Variants in NUP62 observed in about 807,000 individuals in gnomAD.
The protein encoded by NUP62 is nuclear pore glycoprotein p62.
For synonymous variants in NUP62, 305 were observed against 303.4 expected (o/e 1.01, Z -0.05); for missense variants, 647 against 689.4 (o/e 0.94, Z 0.69).
intron 1 of NUP62, chr19:49,928,333 C>T (rs2075959866): frequency 1.3e-5 from 2 of 152,152 alleles, no homozygotes; most frequent in South Asian, 2.1e-4. Flanking sequence ...CTGGCTAACA[C>T]AGTGAAACCC....
intron 2 of NUP62, among the ~76,000 whole-genome samples, chr19:49,912,188 A>G (rs1293493292): frequency 3.9e-4 from 17 of 43,406 alleles, no homozygotes; most frequent in Admixed American, 3.1e-3. Flanking sequence ...TTTTTTTTTG[A>G]GACGGGAGTC....
intron 2 of NUP62, among the ~76,000 whole-genome samples, chr19:49,924,023 C>T (rs2075825214): frequency 2.0e-5 from 3 of 152,252 alleles, no homozygotes; most frequent in Admixed American, 2.0e-4. Context: ...TGAGGAGTTG[C>T]GGCAATAGCA....
intron 2 of NUP62, chr19:49,911,413 C>T (rs1389841529): frequency 6.6e-6 from 1 of 152,208 alleles, no homozygotes; most frequent in African/African-American, 2.4e-5. Flanking sequence ...ACTGAGAAGC[C>T]AAGTGCCTGA....
intron 1 of NUP62, chr19:49,928,604 T>A (rs1169085033): frequency 7.9e-5 from 12 of 152,148 alleles, no homozygotes; most frequent in African/African-American, 2.4e-4. Context: ...TTGAGTCTCA[T>A]AAACCCACCA....
chr19:49,908,496 C>G lies in NUP62; in HGVS notation c.1312G>C (p.Glu438Gln). Residue 438 changes from glutamate to glutamine, a missense_variant, in exon 3 of 3, where the codon GAG becomes CAG. Glu to Gln is a conservative substitution (Grantham distance 29). Coordinates refer to ENST00000352066, the MANE Select transcript of NUP62 (RefSeq NM_016553.5). The part of the protein sequence containing the change: ...EEREKTYKLA[E>Q]NIDAQLKRMA... ...CGCTTGAGCTGTGCATCGATGTTCT[C>G]AGCCAGCTTGTAGGTTTTCTCACGC... 2 of 1,614,152 alleles carry G rather than the reference C, an allele frequency of 1.2e-6. No individual in the cohort carries two copies. Among genetic ancestry groups the G allele is most frequent in the Non-Finnish European group, 1.7e-6 (2 of 1,180,038 alleles).
At position 49,921,025 on chromosome 19, in the gene NUP62, G is replaced by T. The variant is rs2075754232; in HGVS notation, c.-78+6669C>A. Among the ~76,000 whole-genome samples, 1 of 152,146 alleles carries T rather than the reference G, an allele frequency of 6.6e-6. No homozygotes were observed. Among genetic ancestry groups the T allele is most frequent in the Non-Finnish European group, 1.5e-5 (1 of 68,020 alleles). ...AAGGCAGCCAGAAGATGGGGGCAGG[G>T]TGGCTTTCATTATGAGAACTGGAAG... On this transcript the variant is annotated intron_variant, in intron 2 of 2. Coordinates refer to ENST00000352066, the MANE Select transcript of NUP62 (RefSeq NM_016553.5). The surrounding 1 kb of genome is among the most constrained non-coding windows in gnomAD (Gnocchi z 5.4).
intron 2 of NUP62, among the ~76,000 whole-genome samples, chr19:49,919,791 C>T (rs1012940951): frequency 5.0e-5 from 5 of 100,954 alleles, no homozygotes; most frequent in East Asian, 3.5e-4. Context: ...CTAGAACCAC[C>T]GCTTGCTCTT....
At chr19:49,923,535 CAG>C (rs1487636855) in intron 2 of NUP62, among the ~76,000 whole-genome samples, 4 of 152,304 alleles carry the variant, frequency 2.6e-5, no homozygotes, top group East Asian at 3.9e-4. Flanking sequence ...GTGGCGAGAA[CAG>C]AGAGAATCAC....
chr19:49,907,765 A>G lies in NUP62; in HGVS notation c.*474T>C. The G allele has an allele frequency of 3.0e-6, 1 of 332,460 alleles. No homozygotes were observed. Among genetic ancestry groups the G allele is most frequent in the South Asian group, 2.3e-5 (1 of 42,602 alleles). 20.6% of individuals were successfully genotyped at this position (332,460 alleles called of 1,614,324 possible). ...TGGCCAGGCTGGTCTCGAACTCCTG[A>G]CCTCAAGTCATCTGCCCGCCTTGGC... On this transcript the variant is annotated 3_prime_UTR_variant, in exon 3 of 3. Coordinates refer to ENST00000352066, the MANE Select transcript of NUP62 (RefSeq NM_016553.5).
chr19:49,920,361 G>GT (rs1473831834), intron 2 of NUP62, among the ~76,000 whole-genome samples: 3 of 152,180 alleles, frequency 2.0e-5, no homozygotes, highest in African/African-American at 7.2e-5. Context: ...GATTACAGGC[G>GT]TGAGCCACCA....
At position 49,921,583 on chromosome 19, in the gene NUP62, GGAA is replaced by G. The variant is rs2075766386; in HGVS notation, c.-78+6108_-78+6110del. 6.6e-6 allele frequency among the ~76,000 whole-genome samples: 1 copy of G among 152,228 alleles called. No individual in the cohort carries two copies. The highest frequency in any genetic ancestry group is 2.4e-5 in the African/African-American group (1 of 41,454). On this transcript the variant is annotated intron_variant, in intron 2 of 2. Transcript: ENST00000352066. The surrounding 1 kb of genome is among the most constrained non-coding windows in gnomAD (Gnocchi z 5.4). ...TACGTTCCTGCTCTGTGGTAGGTCAGGAAGAAGAGGGCAAAGGAGTCTGCATCA... is the reference window on the plus strand; with the variant it reads ...TACGTTCCTGCTCTGTGGTAGGTCAGGAAGAGGGCAAAGGAGTCTGCATCA...
At chr19:49,926,610 G>A (rs999115865) in intron 2 of NUP62, among the ~76,000 whole-genome samples, 11 of 152,200 alleles carry the variant, frequency 7.2e-5, no homozygotes, top group African/African-American at 2.2e-4. Context: ...TTCTACCGGC[G>A]GGGCGGGGGA....
At chr19:49,924,054 T>C (rs1230513164) in intron 2 of NUP62, among the ~76,000 whole-genome samples, 1 of 151,966 alleles carries the variant, frequency 6.6e-6, no homozygotes, top group African/African-American at 2.4e-5. Context: ...ACGGTGCAGG[T>C]GCAGGCAGGA....
In NUP62 at chr19:49,914,498, C is replaced by A. The variant is rs566662170; in HGVS notation, c.-77-4614G>T. 9.2e-5 allele frequency among the ~76,000 whole-genome samples: 14 copies of A among 152,288 alleles called. No homozygotes were observed. In the South Asian group the frequency reaches 2.7e-3, roughly 29 times the overall value. ...AGCCGCCAGTCCCTTCCCTTCCTGC[C>A]TGCCTGCCCCAACATTTACCCTTGA... On this transcript the variant is annotated intron_variant, in intron 2 of 2. Transcript: ENST00000352066.
In NUP62 at chr19:49,907,306, C is replaced by A. The variant is rs2075343165; in HGVS notation, c.*933G>T. 3.2e-6 allele frequency: 1 copy of A among 308,224 alleles called. No homozygotes were observed. Among genetic ancestry groups the A allele is most frequent in the South Asian group, 2.5e-5 (1 of 40,250 alleles). 19.1% of individuals were successfully genotyped at this position (308,224 alleles called of 1,614,324 possible). On this transcript the variant is annotated 3_prime_UTR_variant, in exon 3 of 3. Coordinates refer to ENST00000352066, the MANE Select transcript of NUP62 (RefSeq NM_016553.5). Reference sequence around the variant, plus strand: ...GGAAGGCTTCCTGGAGGAGGTGAGGCCCAAGGTGGGGGTGAGCCTGGGCCA... The same window carrying A: ...GGAAGGCTTCCTGGAGGAGGTGAGGACCAAGGTGGGGGTGAGCCTGGGCCA...
At chr19:49,916,763 CAAAAACAA>C (rs938734803) in intron 2 of NUP62, among the ~76,000 whole-genome samples, 1 of 151,866 alleles carries the variant, frequency 6.6e-6, no homozygotes, top group African/African-American at 2.4e-5. Flanking sequence ...GACTCCGTCT[CAAAAACAA>C]AAAAACAAAA....
chr19:49,920,997 G>T (rs370017080), intron 2 of NUP62, among the ~76,000 whole-genome samples: 1 of 152,196 alleles, frequency 6.6e-6, no homozygotes. Context: ...TGGGAACCAG[G>T]TGAAGGCAGC....
Position 49,907,938 on chromosome 19 carries a change from A to C in NUP62, c.*301T>G, listed in dbSNP as rs1176266781. On this transcript the variant is annotated 3_prime_UTR_variant, in exon 3 of 3. Coordinates refer to ENST00000352066, the MANE Select transcript of NUP62 (RefSeq NM_016553.5). ...CCTGGCTGGGACCAAGACCATCAGC[A>C]CTTCTCCATCACCAGGCTGAGCCAG... 2.0e-6 allele frequency: 1 copy of C among 511,478 alleles called. No homozygotes were observed. The highest frequency in any genetic ancestry group is 3.5e-6 in the Non-Finnish European group (1 of 287,340). 31.7% of individuals were successfully genotyped at this position (511,478 alleles called of 1,614,324 possible). A position where few individuals can be genotyped will look rare whatever the true frequency, so the allele number is the denominator to read the frequency against.
chr19:49,914,726 G>GCTTTT (rs2075575319), intron 2 of NUP62, among the ~76,000 whole-genome samples: 1 of 56,362 alleles, frequency 1.8e-5, no homozygotes, highest in African/African-American at 6.5e-5. Context: ...CCAAGTCCCA[G>GCTTTT]TTTTTTTTTT....
Sources: allele counts gnomAD v4.1 joint callset (sites outside exome capture counted in the v4.1 genomes callset), GRCh38; gene constraint gnomAD v4.1.1; non-coding constraint Gnocchi (gnomAD v3.1); transcripts MANE v1.5; gene names NCBI Gene and HGNC (gene_info 2026-07-23, HGNC 2026-07-21).